The following LSG1 variants were observed in gnomAD, a reference collection of about 807,000 sequenced individuals.
The protein encoded by LSG1 is large 60S subunit nuclear export GTPase 1.
Under a neutral mutation model 82.6 loss-of-function variants are expected in LSG1, and 55 were observed. The observed-to-expected ratio is 0.67, with a 90% CI of 0.54 to 0.83. The LOEUF (loss-of-function observed/expected upper bound fraction) is 0.83. LSG1 is among the 40% of genes least tolerant of loss of function. The probability of loss-of-function intolerance (pLI) is 0.00; values close to 1 mark genes in which losing one functional copy is unlikely to be tolerated. For synonymous variants in LSG1, 272 were observed against 282.5 expected (o/e 0.96, Z 0.37); for missense variants, 809 against 807.9 (o/e 1.00, Z -0.02).
At chr3:194,655,361 T>C (rs1019847772) in intron 7 of LSG1, among the ~76,000 whole-genome samples, 3 of 152,146 alleles carry the variant, frequency 2.0e-5, no homozygotes, top group Non-Finnish European at 4.4e-5. Context: ...CCATTTTTGA[T>C]AGGGTTATTG....
At chr3:194,663,145 G>C (rs893576278) in intron 5 of LSG1, among the ~76,000 whole-genome samples, 1 of 152,234 alleles carries the variant, frequency 6.6e-6, no homozygotes, top group African/African-American at 2.4e-5. Context: ...CCGGGCTGCA[G>C]TACTTCTGCA....
intron 5 of LSG1, chr3:194,660,949 T>A (rs1056291128): frequency 1.5e-5 from 7 of 455,638 alleles, no homozygotes; most frequent in African/African-American, 1.4e-4. Flanking sequence ...GCCTCTGTGC[T>A]AGATGTTATA....
chr3:194,652,879 A>G lies in LSG1; in HGVS notation c.1023T>C (p.Thr341=). 6 of 1,614,144 alleles carry G rather than the reference A, an allele frequency of 3.7e-6. No individual in the cohort carries two copies. The highest frequency in any genetic ancestry group is 5.1e-6 in the Non-Finnish European group (6 of 1,180,042). Residue 341 remains threonine, a synonymous_variant, in exon 8 of 14, where the codon ACT becomes ACC. Transcript: ENST00000265245. ...TCCTGCTCCGAGCCTCAGAATCTGC[A>G]GTAGAGCTTTCCTTCCAGTCCTGGC... ...DCSQDWKESS[T]ADSEARSRKT...
intron 1 of LSG1, among the ~76,000 whole-genome samples, chr3:194,671,288 A>C (rs1051070385): frequency 1.3e-5 from 2 of 152,214 alleles, no homozygotes; most frequent in Non-Finnish European, 2.9e-5. Context: ...AATTACCAGT[A>C]ATCTAATGTC....
In LSG1 at chr3:194,672,048, A is replaced by T; in HGVS notation, c.99+16T>A. On this transcript the variant is annotated intron_variant, in intron 1 of 13. Coordinates refer to ENST00000265245, the MANE Select transcript of LSG1 (RefSeq NM_018385.3). ...CTAGACAGAAAAGATAAGAAAGATGACATGGTCTGTCTTACCCAGGAGTCA... is the reference window on the plus strand; with the variant it reads ...CTAGACAGAAAAGATAAGAAAGATGTCATGGTCTGTCTTACCCAGGAGTCA... The T allele has an allele frequency of 1.2e-6, 2 of 1,608,164 alleles. No individual in the cohort carries two copies. Among genetic ancestry groups the T allele is most frequent in the Non-Finnish European group, 1.7e-6 (2 of 1,176,054 alleles).
Position 194,666,492 on chromosome 3 carries a change from G to T in LSG1, c.307C>A (p.Leu103Ile). The T allele has an allele frequency of 6.2e-7, 1 of 1,614,046 alleles. No individual in the cohort carries two copies. Among genetic ancestry groups the T allele is most frequent in the Non-Finnish European group, 8.5e-7 (1 of 1,179,956 alleles). Residue 103 changes from leucine (L) to isoleucine (I), a missense_variant, in exon 3 of 14, where the codon CTC becomes ATC. Coordinates refer to ENST00000265245, the MANE Select transcript of LSG1 (RefSeq NM_018385.3). ...AAGAACTGTTTGTTTTCTTCATGGA[G>T]CTTCTTAATTCTCTGGCTCTCCTCG... Reference protein sequence around the residue: ...SFEESQRIKKLHEENKQFLCI... With the variant: ...SFEESQRIKKIHEENKQFLCI...
At chr3:194,643,709 A>T (rs1303460797) in intron 13 of LSG1, among the ~76,000 whole-genome samples, 1 of 152,242 alleles carries the variant, frequency 6.6e-6, no homozygotes, top group East Asian at 1.9e-4. Flanking sequence ...TATACTCAAG[A>T]GAGACGAAAT....
At position 194,644,732 on chromosome 3, in the gene LSG1, G is replaced by A; in HGVS notation, c.1638C>T (p.Tyr546=). The A allele has an allele frequency of 1.2e-6, 2 of 1,604,704 alleles. No individual in the cohort carries two copies. The highest frequency in any genetic ancestry group is 1.7e-6 in the Non-Finnish European group (2 of 1,174,912). The change falls in exon 13 of 14, where the codon TAC becomes TAT. Residue 546 remains tyrosine (Y), a synonymous_variant. Coordinates refer to ENST00000265245, the MANE Select transcript of LSG1 (RefSeq NM_018385.3). Reference sequence around the variant, plus strand: ...GATCTCTTCCAGGAGGAGGATGGCAGTACAGCAGCTTACCCTACAAAGACA... The same window carrying A: ...GATCTCTTCCAGGAGGAGGATGGCAATACAGCAGCTTACCCTACAAAGACA... The part of the protein sequence containing the change: ...LKDYVSGKLL[Y]CHPPPGRDPV...
rs1452517522 is a variant in LSG1, at chr3:194,644,636, C to A, written c.1734G>T (p.Gln578His). ...NKMNSDEIKM[Q>H]LGRNKKAKQI... The stretch of plus-strand genomic sequence containing the variant: ...GCTTTGCTTTTTTATTTCTGCCTAG[C>A]TGCATTTTTATTTCATCACTGTTCA... Residue 578 changes from glutamine to histidine, a missense_variant, in exon 13 of 14, where the codon CAG (glutamine) becomes CAT (histidine). By Grantham distance (24) the Gln-to-His change is conservative. Coordinates refer to ENST00000265245, the MANE Select transcript of LSG1 (RefSeq NM_018385.3). 5.6e-6 allele frequency: 9 copies of A among 1,613,146 alleles called. No homozygotes were observed. Among genetic ancestry groups the A allele is most frequent in the Non-Finnish European group, 6.8e-6 (8 of 1,179,572 alleles).
chr3:194,671,091 G>A (rs6791050), intron 1 of LSG1, among the ~76,000 whole-genome samples: 15,728 of 152,180 alleles, frequency 0.1, 1,744 homozygotes, highest in African/African-American at 0.28. Context: ...GTGTGACCCT[G>A]TCTCTAAAAA....
intron 12 of LSG1, chr3:194,645,541 C>CACACACACACAG (rs1718517238): frequency 2.5e-5 from 1 of 40,776 alleles, no homozygotes; most frequent in African/African-American, 9.5e-5. Context: ...GACAGACACA[C>CACACACACACAG]ACACACACAC....
At chr3:194,643,549 TA>T (rs1319280681) in intron 13 of LSG1, among the ~76,000 whole-genome samples, 1 of 152,240 alleles carries the variant, frequency 6.6e-6, no homozygotes, top group African/African-American at 2.4e-5. Context: ...TGGGAAATAA[TA>T]AACATTGACA....
intron 7 of LSG1, among the ~76,000 whole-genome samples, chr3:194,657,842 T>C (rs1234316184): frequency 1.3e-5 from 2 of 152,138 alleles, no homozygotes; most frequent in Non-Finnish European, 2.9e-5. Flanking sequence ...ACTTTCTACA[T>C]TTAGAGGTAA....
Position 194,651,015 on chromosome 3 carries a change from C to T in LSG1, c.1285G>A (p.Val429Met). Residue 429 changes from valine to methionine, a missense_variant, in exon 10 of 14, where the codon GTG becomes ATG. Transcript: ENST00000265245. ...TCACACAGGCAGAGGCCAGGCTCCA[C>T]ATAGAGAGTCTGGAAGACAAGCAAG... ...GHTKHFQTLYVEPGLCLCDCP... is the reference protein window; with the variant it reads ...GHTKHFQTLYMEPGLCLCDCP... 1 of 1,613,958 alleles carries T rather than the reference C, an allele frequency of 6.2e-7. No individual in the cohort carries two copies. Among genetic ancestry groups the T allele is most frequent in the Non-Finnish European group, 8.5e-7 (1 of 1,179,902 alleles).
rs1250942937 is a variant in LSG1 at position 194,665,538 on chromosome 3, A to G, written c.521+19T>C. ...TTCACTACAATGTCTTTATTACACA[A>G]AAGAAAATGATAATTCACCTTCTCT... On this transcript the variant is annotated intron_variant, in intron 5 of 13. Coordinates refer to ENST00000265245, the MANE Select transcript of LSG1 (RefSeq NM_018385.3). 8 of 1,589,886 alleles carry G rather than the reference A, an allele frequency of 5.0e-6. No homozygotes were observed. Among genetic ancestry groups the G allele is most frequent in the African/African-American group, 1.4e-5 (1 of 74,024 alleles).
In LSG1 at chr3:194,648,760, G is replaced by A; in HGVS notation, c.1464C>T (p.Gly488=). The change falls in exon 11 of 14, where the codon GGC becomes GGT. Residue 488 remains glycine (G), a synonymous_variant. Coordinates refer to ENST00000265245, the MANE Select transcript of LSG1 (RefSeq NM_018385.3). ...CCTCTCTAGGCGTTATGATGTTAAT[G>A]CCATAGGTAGCTTCTAAAACATGTC... ...IPRHVLEATY[G]INIITPREDE... is the part of the protein sequence containing the mutation. 2.5e-6 allele frequency: 4 copies of A among 1,614,034 alleles called. No individual in the cohort carries two copies. The highest frequency in any genetic ancestry group is 3.4e-6 in the Non-Finnish European group (4 of 1,179,940).
intron 12 of LSG1, among the ~76,000 whole-genome samples, chr3:194,645,587 C>CAGACAGACAG (rs1553845145): frequency 4.3e-5 from 4 of 92,358 alleles, no homozygotes; most frequent in African/African-American, 1.4e-4. Context: ...CACACACACA[C>CAGACAGACAG]ACACACACAC....
chr3:194,666,210 G>A lies in LSG1; in HGVS notation c.427C>T (p.Leu143Phe). 1 of 1,613,650 alleles carries A rather than the reference G, an allele frequency of 6.2e-7. No individual in the cohort carries two copies. The highest frequency in any genetic ancestry group is 8.5e-7 in the Non-Finnish European group (1 of 1,179,602). ...AGAGTCTATAATACTCACCGGACAA[G>A]CTGACGTCTCCATTCTAGAAAGTTA... ...KDNFLEWRRQ[L>F]VRLEEEQKLI... Residue 143 changes from leucine (L) to phenylalanine (F), a missense_variant, in exon 4 of 14, where the codon CTT (leucine) becomes TTT (phenylalanine). Leu to Phe is a conservative substitution (Grantham distance 22, BLOSUM62 0). Transcript: ENST00000265245.
chr3:194,659,270 G>A (rs1006906678), intron 6 of LSG1, 137 bp from the exon 7 acceptor site: 5 of 663,676 alleles, frequency 7.5e-6, no homozygotes, highest in African/African-American at 7.3e-5. Context: ...TTTTAATCAT[G>A]ACACATTATA....
Sources: gnomAD v4.1 joint callset for allele counts (sites outside exome capture counted in the v4.1 genomes callset) on GRCh38, gnomAD v4.1.1 for gene constraint, MANE v1.5 for transcripts, NCBI Gene and HGNC (gene_info 2026-07-23, HGNC 2026-07-21) for gene names.